Variants in PPP2R2A observed in about 807,000 individuals in gnomAD.
The protein encoded by PPP2R2A is serine/threonine-protein phosphatase 2A 55 kDa regulatory subunit B alpha isoform.
In PPP2R2A, 9 loss-of-function variants were observed where a neutral mutation model predicts 53.2. The observed-to-expected ratio is 0.17, with a 90% CI of 0.10 to 0.30. The LOEUF (loss-of-function observed/expected upper bound fraction) is 0.30, where lower values mean the gene tolerates loss of function less well. PPP2R2A is among the 10% of genes least tolerant of loss of function. The pLI is 1.00. For missense variants in PPP2R2A, 235 were observed against 534.6 expected (o/e 0.44, Z 5.53); for synonymous variants, 169 against 174.2 (o/e 0.97, Z 0.23).
At position 26,370,206 on chromosome 8, in the gene PPP2R2A, A is replaced by G. The variant is rs1327647767; in HGVS notation, c.1137A>G (p.Leu379=). The change falls in exon 10 of 10, where the codon CTA becomes CTG. Residue 379 remains leucine (L), a synonymous_variant. Coordinates refer to ENST00000380737, the MANE Select transcript of PPP2R2A (RefSeq NM_002717.4). This position sits in a 1 kb window ranked among gnomAD's most constrained non-coding sequence, Gnocchi z 6.1. Reference sequence around the variant, plus strand: ...GAAACACAAAGCGAGACATAACCCTAGAAGCATCGCGGGAAAACAATAAGC... The same window carrying G: ...GAAACACAAAGCGAGACATAACCCTGGAAGCATCGCGGGAAAACAATAAGC... The part of the protein sequence containing the change: ...FDRNTKRDIT[L]EASRENNKPR... 4 of 1,614,052 alleles carry G rather than the reference A, an allele frequency of 2.5e-6. No homozygotes were observed. Among genetic ancestry groups the G allele is most frequent in the African/African-American group, 2.7e-5 (2 of 74,930 alleles).
At chr8:26,313,862 G>GT (rs1253851744) in intron 2 of PPP2R2A, among the ~76,000 whole-genome samples, 1 of 152,152 alleles carries the variant, frequency 6.6e-6, no homozygotes, top group African/African-American at 2.4e-5. Context: ...CAGTGAAACT[G>GT]TTTTTTGACT....
chr8:26,318,528 A>G (rs1032736559), intron 2 of PPP2R2A, among the ~76,000 whole-genome samples: 5 of 152,228 alleles, frequency 3.3e-5, no homozygotes, highest in African/African-American at 1.2e-4. Context: ...AAGCTCTGTG[A>G]TAGGTACACA....
chr8:26,369,583 C>T (rs532680875), intron 9 of PPP2R2A, among the ~76,000 whole-genome samples: 1 of 151,992 alleles, frequency 6.6e-6, no homozygotes, highest in African/African-American at 2.4e-5. Flanking sequence ...TAGTAGAGAC[C>T]GGGTTTCACC....
chr8:26,331,499 CTT>C (rs1803375666), intron 2 of PPP2R2A, among the ~76,000 whole-genome samples: 1 of 152,108 alleles, frequency 6.6e-6, no homozygotes, highest in African/African-American at 2.4e-5. Flanking sequence ...TTTATGTAGT[CTT>C]AGTGTTCTTT....
intron 2 of PPP2R2A, among the ~76,000 whole-genome samples, chr8:26,322,746 A>G (rs547914935): frequency 3.9e-4 from 60 of 152,332 alleles, no homozygotes; most frequent in Middle Eastern, 3.4e-3. Flanking sequence ...TTTGACAGCT[A>G]TTAAGAGGAT....
At chr8:26,344,591 C>T (rs981408851) in intron 3 of PPP2R2A, among the ~76,000 whole-genome samples, 8 of 152,090 alleles carry the variant, frequency 5.3e-5, no homozygotes, top group African/African-American at 1.9e-4. Flanking sequence ...GGTTCTAGTC[C>T]TGGTATTCAT....
chr8:26,361,688 C>A (rs928783323), intron 6 of PPP2R2A, among the ~76,000 whole-genome samples: 1 of 151,896 alleles, frequency 6.6e-6, no homozygotes, highest in Non-Finnish European at 1.5e-5. Flanking sequence ...CACCTGGCTG[C>A]GGTGACTCAG....
chr8:26,358,109 A>G (rs1804886188), intron 4 of PPP2R2A, among the ~76,000 whole-genome samples: 1 of 152,098 alleles, frequency 6.6e-6, no homozygotes, highest in Admixed American at 6.5e-5. Flanking sequence ...ATCCTAATTC[A>G]TATGTGTCCT....
rs1300403167 is a variant in PPP2R2A at position 26,360,967 on chromosome 8, T to C, written c.460-7T>C. On this transcript the variant is annotated splice_polypyrimidine_tract_variant and splice_region_variant and intron_variant, in intron 5 of 9. Transcript: ENST00000380737. This position sits in a 1 kb window ranked among gnomAD's most constrained non-coding sequence, Gnocchi z 4.5. ...TAATTTCTGTTTTTCATGTGTCTTA[T>C]TGACAGGTGCCAGTCTTTAGGCCTA... 1.9e-6 allele frequency: 3 copies of C among 1,582,918 alleles called. No individual in the cohort carries two copies. The highest frequency in any genetic ancestry group is 2.6e-6 in the Non-Finnish European group (3 of 1,172,832).
At chr8:26,315,762 G>A (rs1224024088) in intron 2 of PPP2R2A, among the ~76,000 whole-genome samples, 3 of 152,078 alleles carry the variant, frequency 2.0e-5, no homozygotes, top group Non-Finnish European at 4.4e-5. Flanking sequence ...TCCTTCTGCT[G>A]TTGCCTTGCG....
At chr8:26,356,646 T>C (rs540328626) in intron 4 of PPP2R2A, among the ~76,000 whole-genome samples, 8 of 152,396 alleles carry the variant, frequency 5.2e-5, no homozygotes, top group Admixed American at 3.3e-4. Flanking sequence ...ACCATTTATA[T>C]AATTTCTACT....
At chr8:26,292,229 C>T (rs1801333977) in intron 1 of PPP2R2A, 14 of 1,053,928 alleles carry the variant, frequency 1.3e-5, no homozygotes, top group Admixed American at 5.6e-5. Context: ...CTATTTTTCC[C>T]CCTGCTGCAA....
At position 26,362,860 on chromosome 8, in the gene PPP2R2A, G is replaced by T. The variant is rs778097404; in HGVS notation, c.802+12G>T. 1.9e-6 allele frequency: 3 copies of T among 1,607,136 alleles called. No individual in the cohort carries two copies. Among genetic ancestry groups the T allele is most frequent in the African/African-American group, 2.7e-5 (2 of 74,766 alleles). Reference sequence around the variant, plus strand: ...TAGACATTCTAAATGTAAGTTTATTGTATCTTTCCTTAAAATGATTACATA... The same window carrying T: ...TAGACATTCTAAATGTAAGTTTATTTTATCTTTCCTTAAAATGATTACATA... On this transcript the variant is annotated intron_variant, in intron 7 of 9. Coordinates refer to ENST00000380737, the MANE Select transcript of PPP2R2A (RefSeq NM_002717.4). This position sits in a 1 kb window ranked among gnomAD's most constrained non-coding sequence, Gnocchi z 4.4.
intron 2 of PPP2R2A, among the ~76,000 whole-genome samples, chr8:26,297,314 G>A (rs573436431): frequency 6.6e-6 from 1 of 151,988 alleles, no homozygotes; most frequent in African/African-American, 2.4e-5. Context: ...TGCCATGTTG[G>A]CCAGGCTTGT....
chr8:26,358,789 CA>C, intron 4 of PPP2R2A: 1 of 359,856 alleles, frequency 2.8e-6, no homozygotes, highest in Non-Finnish European at 5.8e-6. Flanking sequence ...TATAGTGATA[CA>C]AATAAACAAT....
At chr8:26,367,734 T>G (rs1805454990) in intron 9 of PPP2R2A, among the ~76,000 whole-genome samples, 1 of 152,214 alleles carries the variant, frequency 6.6e-6, no homozygotes, top group Admixed American at 6.5e-5. Context: ...AAAAACACTT[T>G]CCAACATAGT....
rs915620655 is a variant in PPP2R2A at position 26,371,899 on chromosome 8, G to A, written c.*1486G>A. On this transcript the variant is annotated 3_prime_UTR_variant, in exon 10 of 10. Transcript: ENST00000380737. ...CAGAAACTTTAATGGAGAAGAAATG[G>A]ACTTTATTTTTGAAAGGTGAAATGA... is the stretch of plus-strand genomic sequence containing the variant. 7.2e-5 allele frequency: 11 copies of A among 152,138 alleles called. No individual in the cohort carries two copies. Among genetic ancestry groups the A allele is most frequent in the Admixed American group, 2.6e-4 (4 of 15,278 alleles). 9.4% of individuals were successfully genotyped at this position (152,138 alleles called of 1,614,324 possible). A position where few individuals can be genotyped will look rare whatever the true frequency, so the allele number is the denominator to read the frequency against.
At chr8:26,306,929 C>T (rs1007366726) in intron 2 of PPP2R2A, among the ~76,000 whole-genome samples, 1 of 152,184 alleles carries the variant, frequency 6.6e-6, no homozygotes, top group Non-Finnish European at 1.5e-5. Flanking sequence ...ACCAGAGATG[C>T]CATCACAGGT....
chr8:26,302,590 T>C (rs1199227553), intron 2 of PPP2R2A, among the ~76,000 whole-genome samples: 1 of 152,218 alleles, frequency 6.6e-6, no homozygotes, highest in Non-Finnish European at 1.5e-5. Flanking sequence ...GGAATTTTGG[T>C]GTAGTATCAA....
Sources: gnomAD v4.1 joint callset for allele counts (sites outside exome capture counted in the v4.1 genomes callset) on GRCh38, gnomAD v4.1.1 for gene constraint, Gnocchi (gnomAD v3.1) non-coding constraint, MANE v1.5 for transcripts, NCBI Gene and HGNC (gene_info 2026-07-23, HGNC 2026-07-21) for gene names.